The following EVC variants were observed in gnomAD, a reference collection of about 807,000 sequenced individuals.
The protein encoded by EVC is EvC ciliary complex subunit 1.
In EVC, 116 loss-of-function variants were observed where a neutral mutation model predicts 118.9. The observed-to-expected ratio is 0.98, with a 90% CI of 0.84 to 1.14. EVC has a LOEUF of 1.14. Among genes scored for constraint, EVC ranks in the 50% most tolerant of loss-of-function variants. The pLI is 0.00. For missense variants in EVC, 1,401 were observed against 1,246.4 expected (o/e 1.12, Z -1.87); for synonymous variants, 619 against 534.7 (o/e 1.16, Z -2.18).
intron 2 of EVC, among the ~76,000 whole-genome samples, chr4:5,722,543 G>A (rs1306856533): frequency 4.6e-5 from 7 of 152,110 alleles, no homozygotes; most frequent in African/African-American, 1.4e-4. Flanking sequence ...TTCCTGCCAC[G>A]CCTTGGATGA....
the EVC span, chr4:5,826,452 GGGAGGACACCTCCACACCAGCCTGCA>G: frequency 6.7e-6 from 1 of 150,184 alleles, no homozygotes; most frequent in Admixed American, 6.6e-5. Context: ...GGATGCTGTG[GGGAGGACACCTCCACACCAGCCTGCA>G]GGAGGACGAG....
At chr4:5,744,311 CAT>C (rs1202721362) in intron 6 of EVC, among the ~76,000 whole-genome samples, 1 of 152,210 alleles carries the variant, frequency 6.6e-6, no homozygotes, top group Admixed American at 6.5e-5. Context: ...TTAGAAATCA[CAT>C]ATGGCCTCAG....
In EVC at chr4:5,748,321, G is replaced by A. The variant is rs563257565; in HGVS notation, c.1098+15G>A. ...TGCAGGCTCTGGTAATGCTGGAGGG[G>A]GCGGGAGGGAACATAAAGATATTCA... On this transcript the variant is annotated intron_variant, in intron 8 of 20. Coordinates refer to ENST00000264956, the MANE Select transcript of EVC (RefSeq NM_153717.3). 6.2e-7 allele frequency: 1 copy of A among 1,613,674 alleles called. No individual in the cohort carries two copies. Among genetic ancestry groups the A allele is most frequent in the Non-Finnish European group, 8.5e-7 (1 of 1,179,866 alleles).
intron 8 of EVC, 78 bp from the exon 9 acceptor site, chr4:5,752,758 T>G (rs1430263186): frequency 6.8e-7 from 1 of 1,464,836 alleles, no homozygotes; most frequent in East Asian, 2.3e-5. Context: ...CCTGGTGGCT[T>G]CTTCTCAGCT....
chr4:5,786,705 C>T (rs1283178057), intron 12 of EVC, among the ~76,000 whole-genome samples: 1 of 152,028 alleles, frequency 6.6e-6, no homozygotes, highest in Non-Finnish European at 1.5e-5. Context: ...AACCCCGTCT[C>T]TACTAAAAAT....
chr4:5,737,550 G>A lies in EVC; in HGVS notation c.702+4115G>A, dbSNP rs1300398057. ...TGACTCTCTCGCTAGGGGCTAATGC[G>A]GGAGATGACTTTAAGTTGAAGCCAG... On this transcript the variant is annotated intron_variant, in intron 5 of 20. Coordinates refer to ENST00000264956, the MANE Select transcript of EVC (RefSeq NM_153717.3). The surrounding 1 kb of genome is among the most constrained non-coding windows in gnomAD (Gnocchi z 5.0). Among the ~76,000 whole-genome samples, 5 of 152,176 alleles carry A rather than the reference G, an allele frequency of 3.3e-5. No homozygotes were observed. The highest frequency in any genetic ancestry group is 2.1e-4 in the South Asian group (1 of 4,828).
intron 11 of EVC, among the ~76,000 whole-genome samples, chr4:5,766,932 C>A (rs142493645): frequency 3.3e-5 from 5 of 151,538 alleles, no homozygotes; most frequent in African/African-American, 1.2e-4. Context: ...AGCTTTGTTC[C>A]GTTGCTGGTG....
Position 5,756,248 on chromosome 4 carries a change from C to CTT in EVC, c.1465-15_1465-14dup, listed in dbSNP as rs1731153761. ...CTGCATGTTTCTACCAGACTCAGCT[C>CTT]TTGTTTTCCTCACAGGCTTTTCATG... On this transcript the variant is annotated splice_polypyrimidine_tract_variant and intron_variant, in intron 10 of 20. Transcript: ENST00000264956. The surrounding 1 kb of genome is among the most constrained non-coding windows in gnomAD (Gnocchi z 4.2). 6.3e-7 allele frequency: 1 copy of CTT among 1,595,602 alleles called. No individual in the cohort carries two copies. The highest frequency in any genetic ancestry group is 8.6e-7 in the Non-Finnish European group (1 of 1,167,090).
chr4:5,824,560 A>C, the EVC span: 1 of 980,118 alleles, frequency 1.0e-6, no homozygotes, highest in Non-Finnish European at 1.2e-6. Context: ...AGGAATTAGC[A>C]AACGGGTCCA....
At position 5,802,729 on chromosome 4, in the gene EVC, C is replaced by T. The variant is rs565569640; in HGVS notation, c.2449+635C>T. 5.9e-5 allele frequency among the ~76,000 whole-genome samples: 9 copies of T among 152,300 alleles called. No homozygotes were observed. In the East Asian group the frequency reaches 1.7e-3, roughly 29 times the overall value. ...ACGCTCCTATGAGACTCTGATGCCA[C>T]TGCTGATGTGACAGGAGGTGGAGCT... On this transcript the variant is annotated intron_variant, in intron 16 of 20. Transcript: ENST00000264956.
At chr4:5,744,353 T>A (rs1223811302) in intron 6 of EVC, among the ~76,000 whole-genome samples, 4 of 152,206 alleles carry the variant, frequency 2.6e-5, no homozygotes, top group African/African-American at 9.7e-5. Flanking sequence ...TTTATATCAA[T>A]GTTATTTTTC....
intron 8 of EVC, among the ~76,000 whole-genome samples, 159 bp downstream of exon 8, chr4:5,748,465 CATTT>C (rs754648328): frequency 2.6e-5 from 4 of 152,154 alleles, no homozygotes; most frequent in African/African-American, 7.2e-5. Flanking sequence ...TTCATTCATC[CATTT>C]ATTTATTTAT....
chr4:5,777,342 A>T (rs1168051950), intron 11 of EVC, among the ~76,000 whole-genome samples: 1 of 152,134 alleles, frequency 6.6e-6, no homozygotes, highest in African/African-American at 2.4e-5. Flanking sequence ...TTTCTCCAGT[A>T]TGGCTTTTTG....
At chr4:5,723,241 G>A (rs1725259066) in intron 2 of EVC, among the ~76,000 whole-genome samples, 1 of 150,480 alleles carries the variant, frequency 6.6e-6, no homozygotes, top group Admixed American at 6.7e-5. Context: ...CCAGTCTGGA[G>A]TGCAGTGGTG....
chr4:5,711,643 C>T (rs1723045436), intron 1 of EVC, 89 bp downstream of exon 1: 30 of 996,420 alleles, frequency 3.0e-5, no homozygotes, highest in Non-Finnish European at 3.7e-5. Context: ...GGCTCTGCGA[C>T]TCCTTGAGCC....
At chr4:5,714,783 A>G (rs1277382105) in intron 1 of EVC, among the ~76,000 whole-genome samples, 2 of 151,984 alleles carry the variant, frequency 1.3e-5, no homozygotes, top group Admixed American at 6.6e-5. Flanking sequence ...ATTAATAGCT[A>G]TTCTCTTTTT....
chr4:5,816,711 C>T (rs547516356), downstream of EVC, among the ~76,000 whole-genome samples: 1 of 148,930 alleles, frequency 6.7e-6, no homozygotes, highest in African/African-American at 2.5e-5. Context: ...TCTCTCCCCT[C>T]CCTCTCTCCC....
rs1210209422 is a variant in EVC, at chr4:5,756,592, TG to T, written c.1563+231del. ...GAGGCACCGTCCATTTTTGGGGTGC[TG>T]AGGATTCTTATCTCCACACATCCCT... On this transcript the variant is annotated intron_variant, in intron 11 of 20. Coordinates refer to ENST00000264956, the MANE Select transcript of EVC (RefSeq NM_153717.3). This position sits in a 1 kb window ranked among gnomAD's most constrained non-coding sequence, Gnocchi z 4.2. Among the ~76,000 whole-genome samples the T allele has an allele frequency of 7.2e-5, 11 of 152,320 alleles. No individual in the cohort carries two copies. Among genetic ancestry groups the T allele is most frequent in the Non-Finnish European group, 1.6e-4 (11 of 68,012 alleles).
At position 5,746,934 on chromosome 4, in the gene EVC, AAGC is replaced by A. The variant is rs796876556; in HGVS notation, c.940-1211_940-1209del. On this transcript the variant is annotated intron_variant, in intron 7 of 20. Coordinates refer to ENST00000264956, the MANE Select transcript of EVC (RefSeq NM_153717.3). This position sits in a 1 kb window ranked among gnomAD's most constrained non-coding sequence, Gnocchi z 5.8. The stretch of plus-strand genomic sequence containing the variant: ...GACGCCAAGAGAATCAGGAGTTTGT[AAGC>A]AGAGCGGGCTGTGTAGAGTTGGCAG... Among the ~76,000 whole-genome samples, 5 of 152,228 alleles carry A rather than the reference AAGC, an allele frequency of 3.3e-5. No individual in the cohort carries two copies. Among genetic ancestry groups the A allele is most frequent in the African/African-American group, 1.2e-4 (5 of 41,542 alleles).
Sources: gnomAD v4.1 joint callset for allele counts (sites outside exome capture counted in the v4.1 genomes callset) on GRCh38, gnomAD v4.1.1 for gene constraint, Gnocchi (gnomAD v3.1) non-coding constraint, MANE v1.5 for transcripts, NCBI Gene and HGNC (gene_info 2026-07-23, HGNC 2026-07-21) for gene names.